The following ITPR2 variants were observed in gnomAD, a reference collection of about 807,000 sequenced individuals.
ITPR2 encodes inositol 1,4,5-trisphosphate-gated calcium channel ITPR2.
A neutral mutation model predicts 317.1 loss-of-function variants in ITPR2; 207 were observed. The ratio of observed to expected loss-of-function variants is 0.65; its 90% CI spans 0.58 to 0.73. ITPR2 has a LOEUF of 0.73. Ranked by LOEUF, ITPR2 falls within the 30% of genes least tolerant of loss-of-function variation. The probability of loss-of-function intolerance (pLI) is 0.00; values close to 1 mark genes in which losing one functional copy is unlikely to be tolerated. For synonymous variants in ITPR2, 1,156 were observed against 1,149.1 expected, an observed-to-expected ratio of 1.01 and a Z score of -0.12; for missense variants, 2,613 against 3,284.0, an observed-to-expected ratio of 0.80 and a Z score of 4.99.
chr12:26,355,305 T>C (rs2136566285), intron 55 of ITPR2, among the ~76,000 whole-genome samples: 1 of 152,376 alleles, frequency 6.6e-6, no homozygotes, highest in South Asian at 2.1e-4. Flanking sequence ...GGAGTGCTAC[T>C]AATAATTATG....
intron 21 of ITPR2, among the ~76,000 whole-genome samples, chr12:26,633,222 A>G (rs1946793309): frequency 6.6e-6 from 1 of 152,360 alleles, no homozygotes; most frequent in South Asian, 2.1e-4. Flanking sequence ...AAACAAATAA[A>G]AAGAAAATAT....
chr12:26,734,871 C>T (rs1267490557), intron 2 of ITPR2, among the ~76,000 whole-genome samples: 2 of 152,012 alleles, frequency 1.3e-5, no homozygotes, highest in Admixed American at 1.3e-4. Flanking sequence ...ATTTATACTC[C>T]AATAAGACTA....
At position 26,615,447 on chromosome 12, in the gene ITPR2, TA is replaced by T. The variant is rs1200511481; in HGVS notation, c.3462+5675del. On this transcript the variant is annotated intron_variant, in intron 26 of 56. Coordinates refer to ENST00000381340, the MANE Select transcript of ITPR2 (RefSeq NM_002223.4). Reference sequence around the variant, plus strand: ...ACTTGAAGAGAGACTCAGATGAGTCTAAAAAAATTATCCATATGCCATACAA... The same window carrying T: ...ACTTGAAGAGAGACTCAGATGAGTCTAAAAAATTATCCATATGCCATACAA... Among the ~76,000 whole-genome samples, 25 of 152,170 alleles carry T rather than the reference TA, an allele frequency of 1.6e-4. No homozygotes were observed. In the East Asian group the frequency reaches 4.6e-3, roughly 28 times the overall value.
rs1947359255 is a variant in ITPR2, at chr12:26,655,862, G to C, written c.2445-10C>G. On this transcript the variant is annotated splice_polypyrimidine_tract_variant and intron_variant, in intron 19 of 56. Coordinates refer to ENST00000381340, the MANE Select transcript of ITPR2 (RefSeq NM_002223.4). ...TGTTATAGAATCATATCTGGAAATA[G>C]AGAAAGAAGATAACGCAAGTTAAAC... The C allele has an allele frequency of 3.7e-6, 6 of 1,601,410 alleles. No individual in the cohort carries two copies. Among genetic ancestry groups the C allele is most frequent in the Non-Finnish European group, 5.1e-6 (6 of 1,174,892 alleles).
intron 2 of ITPR2, among the ~76,000 whole-genome samples, chr12:26,737,028 A>T (rs1435021270): frequency 2.0e-5 from 3 of 152,184 alleles, no homozygotes; most frequent in Non-Finnish European, 2.9e-5. Flanking sequence ...ACGAGGGAGG[A>T]AAGTTTTTCC....
chr12:26,559,556 CTAATA>C (rs1944758095), intron 35 of ITPR2, among the ~76,000 whole-genome samples: 4 of 15,662 alleles, frequency 2.6e-4, no homozygotes, highest in African/African-American at 6.1e-4. Context: ...CCTCCTAATA[CTAATA>C]CTAATACTAT....
chr12:26,663,632 C>T, intron 15 of ITPR2, 53 bp downstream of exon 15: 1 of 1,481,394 alleles, frequency 6.8e-7, no homozygotes, highest in Non-Finnish European at 9.1e-7. Context: ...AACCAAAGAA[C>T]CTTGCCCATA....
chr12:26,495,600 A>T (rs1405125587), intron 37 of ITPR2: 1 of 166,384 alleles, frequency 6.0e-6, no homozygotes, highest in Non-Finnish European at 1.3e-5. Flanking sequence ...ATGTCAATTA[A>T]TCATAACTCA....
chr12:26,539,597 T>C (rs1038950135), intron 37 of ITPR2, among the ~76,000 whole-genome samples: 6 of 152,332 alleles, frequency 3.9e-5, no homozygotes, highest in African/African-American at 1.4e-4. Context: ...TTGGTCATCA[T>C]CTGCTCCAAT....
chr12:26,453,338 T>C (rs1301720753), intron 45 of ITPR2, among the ~76,000 whole-genome samples: 1 of 152,238 alleles, frequency 6.6e-6, no homozygotes, highest in Non-Finnish European at 1.5e-5. Context: ...TAGATCATCT[T>C]ATCTGAAATC....
intron 26 of ITPR2, 33 bp from the exon 27 acceptor site, chr12:26,602,739 A>T (rs1159189347): frequency 8.4e-7 from 1 of 1,194,244 alleles, no homozygotes; most frequent in Non-Finnish European, 1.2e-6. Context: ...CTTTTATGCC[A>T]TTTGTAGCTT....
chr12:26,399,054 T>C lies in ITPR2; in HGVS notation c.7531-13A>G. 6.4e-7 allele frequency: 1 copy of C among 1,555,790 alleles called. No individual in the cohort carries two copies. The highest frequency in any genetic ancestry group is 8.6e-7 in the Non-Finnish European group (1 of 1,158,604). On this transcript the variant is annotated splice_polypyrimidine_tract_variant and intron_variant, in intron 53 of 56. Transcript: ENST00000381340. ...CAAACAAGGGCTCCTGAAATAAAAA[T>C]ATTTAAAAAAATCACACTAGGCATA...
intron 21 of ITPR2, among the ~76,000 whole-genome samples, chr12:26,638,699 A>C (rs2136854844): frequency 6.6e-6 from 1 of 152,306 alleles, no homozygotes; most frequent in South Asian, 2.1e-4. Context: ...ACTTGGGTGA[A>C]GTCAGAGATA....
chr12:26,567,969 T>TATAA (rs1491378302), intron 34 of ITPR2, among the ~76,000 whole-genome samples: 5 of 14,390 alleles, frequency 3.5e-4, no homozygotes, highest in African/African-American at 8.4e-4. Flanking sequence ...TATATATATA[T>TATAA]TATATATATT....
chr12:26,602,399 A>G lies in ITPR2; in HGVS notation c.3649T>C (p.Leu1217=). The G allele has an allele frequency of 6.2e-7, 1 of 1,613,840 alleles. No homozygotes were observed. The highest frequency in any genetic ancestry group is 8.5e-7 in the Non-Finnish European group (1 of 1,179,796). The change falls in exon 28 of 57, where the codon TTG becomes CTG. Residue 1217 remains leucine (L), a synonymous_variant. Coordinates refer to ENST00000381340, the MANE Select transcript of ITPR2 (RefSeq NM_002223.4). ...TCATAGGGTATCTGCAGAAGATCCA[A>G]CACCACCGAATGCGCCCCCATATTT... ...LKNMGAHSVV[L]DLLQIPYEKN...
At chr12:26,461,841 T>C (rs920617510) in intron 45 of ITPR2, among the ~76,000 whole-genome samples, 1 of 151,814 alleles carries the variant, frequency 6.6e-6, no homozygotes. Context: ...ACAAGGGACT[T>C]TTCAGAATTT....
At chr12:26,438,552 C>G (rs186606189) in intron 47 of ITPR2, among the ~76,000 whole-genome samples, 4 of 152,038 alleles carry the variant, frequency 2.6e-5, no homozygotes, top group Admixed American at 6.6e-5. Context: ...TCCTAATAGA[C>G]GTGGGACCTA....
intron 39 of ITPR2, among the ~76,000 whole-genome samples, chr12:26,493,294 T>C (rs1428420164): frequency 1.3e-5 from 2 of 152,338 alleles, no homozygotes; most frequent in Admixed American, 6.5e-5. Flanking sequence ...TATTTGATGG[T>C]TAAATGAAGC....
rs575499573 is a variant in ITPR2, at chr12:26,338,744, C to G, written c.*653G>C. ...CCACATTGACAGAGCCTGTCTGAAT[C>G]CCAGAGAAGGCAATCACATCCTGTT... On this transcript the variant is annotated 3_prime_UTR_variant, in exon 57 of 57. Coordinates refer to ENST00000381340, the MANE Select transcript of ITPR2 (RefSeq NM_002223.4). The G allele has an allele frequency of 6.6e-6, 1 of 152,254 alleles. No individual in the cohort carries two copies. The highest frequency in any genetic ancestry group is 6.5e-5 in the Admixed American group (1 of 15,294). The allele number at this position is 152,254 out of a possible 1,614,324, so 9.4% of individuals were successfully genotyped here.
Sources: allele counts gnomAD v4.1 joint callset (sites outside exome capture counted in the v4.1 genomes callset), GRCh38; gene constraint gnomAD v4.1.1; transcripts MANE v1.5; gene names NCBI Gene and HGNC (gene_info 2026-07-23, HGNC 2026-07-21).